UBE2Q1: variants seen among roughly 807,000 people sequenced by gnomAD.
UBE2Q1 encodes the protein ubiquitin-conjugating enzyme E2 Q1.
A neutral mutation model predicts 60.1 loss-of-function variants in UBE2Q1; 6 were observed. That is an observed-to-expected ratio of 0.10 (90% confidence interval 0.05 to 0.20). UBE2Q1 has a LOEUF of 0.20. Ranked by LOEUF, UBE2Q1 falls within the 10% of genes least tolerant of loss-of-function variation. The probability of loss-of-function intolerance (pLI) is 1.00; values close to 1 mark genes in which losing one functional copy is unlikely to be tolerated. For synonymous variants in UBE2Q1, 226 were observed against 208.3 expected, an observed-to-expected ratio of 1.09 and a Z score of -0.73; for missense variants, 262 against 525.8, an observed-to-expected ratio of 0.50 and a Z score of 4.91.
intron 12 of UBE2Q1, chr1:154,550,680 T>TA: frequency 1.0e-6 from 1 of 985,144 alleles, no homozygotes; most frequent in African/African-American, 1.7e-5. Flanking sequence ...ATGGGAGAGT[T>TA]AGATGAGCTT....
In UBE2Q1 at chr1:154,550,426, G is replaced by A. The variant is rs1695774569; in HGVS notation, c.*12C>T. 1 of 1,614,042 alleles carries A rather than the reference G, an allele frequency of 6.2e-7. No individual in the cohort carries two copies. The highest frequency in any genetic ancestry group is 1.7e-5 in the Admixed American group (1 of 60,010). On this transcript the variant is annotated 3_prime_UTR_variant, in exon 13 of 13. Transcript: ENST00000292211. ...TGGTGCCTGGGGAGGGAGGAAGGGT[G>A]ATACTCCAGGGTTAGCCGTCTTCTT...
chr1:154,555,181 G>A (rs972241030), intron 3 of UBE2Q1, among the ~76,000 whole-genome samples: 1 of 152,072 alleles, frequency 6.6e-6, no homozygotes, highest in Non-Finnish European at 1.5e-5. Flanking sequence ...AAATTCCCCC[G>A]CTCCCTTTCA....
At chr1:154,553,441 A>C (rs936358429) in intron 4 of UBE2Q1, among the ~76,000 whole-genome samples, 1 of 152,228 alleles carries the variant, frequency 6.6e-6, no homozygotes, top group Non-Finnish European at 1.5e-5. Flanking sequence ...GCAGGGACTT[A>C]GCCCTCTTGT....
rs1695797425 is a variant in UBE2Q1 at position 154,552,008 on chromosome 1, G to T, written c.967-29C>A. On this transcript the variant is annotated intron_variant, in intron 8 of 12. Coordinates refer to ENST00000292211, the MANE Select transcript of UBE2Q1 (RefSeq NM_017582.7). The stretch of plus-strand genomic sequence containing the variant: ...AGAGAGAGAGAGACGACAATCAGGG[G>T]AGGGAGGCCAGCATCCTCCACAGGA... The T allele has an allele frequency of 3.1e-6, 5 of 1,614,094 alleles. No homozygotes were observed. In the Admixed American group the frequency reaches 5.0e-5, roughly 16 times the overall value.
intron 4 of UBE2Q1, 121 bp from the exon 5 acceptor site, chr1:154,553,293 A>C (rs1185191949): frequency 6.8e-6 from 9 of 1,317,860 alleles, no homozygotes; most frequent in Non-Finnish European, 9.2e-6. Flanking sequence ...GAAGCAGTCC[A>C]TCTAGCAGTC....
chr1:154,551,250 T>C, intron 11 of UBE2Q1, 147 bp downstream of exon 11: 1 of 904,950 alleles, frequency 1.1e-6, no homozygotes, highest in East Asian at 2.4e-5. Context: ...GTTGTTCCAT[T>C]GTGGGCACCC....
At chr1:154,556,400 C>A (rs920552115) in intron 1 of UBE2Q1, among the ~76,000 whole-genome samples, 1 of 152,162 alleles carries the variant, frequency 6.6e-6, no homozygotes, top group Non-Finnish European at 1.5e-5. Flanking sequence ...CACAATGACA[C>A]TGAAGTGAAA....
intron 1 of UBE2Q1, among the ~76,000 whole-genome samples, 155 bp downstream of exon 1, chr1:154,558,072 T>G (rs1695922783): frequency 6.6e-6 from 1 of 151,842 alleles, no homozygotes; most frequent in African/African-American, 2.4e-5. Flanking sequence ...CTGCATAACC[T>G]CAAGCAGCAG....
chr1:154,552,193 A>C lies in UBE2Q1; in HGVS notation c.876-10T>G. ...GCTGTCCTGGTCAACTCTAAGAAGC[A>C]ACAAGCCTGGGCTCAGATGCCTGGT... is the stretch of plus-strand genomic sequence containing the variant. On this transcript the variant is annotated splice_polypyrimidine_tract_variant and intron_variant, in intron 7 of 12. Transcript: ENST00000292211. 6.2e-7 allele frequency: 1 copy of C among 1,614,194 alleles called. No individual in the cohort carries two copies. The highest frequency in any genetic ancestry group is 8.5e-7 in the Non-Finnish European group (1 of 1,180,024).
chr1:154,555,509 G>T lies in UBE2Q1; in HGVS notation c.456C>A (p.Ile152=). The part of the protein sequence containing the change: ...NTLLLQHLKR[I]ISDLCKLYNL... ...TATAGAGTTTACACAGGTCGGAGATGATCCTCTTCAGATGCTGCAATAGCT... is the reference window on the plus strand; with the variant it reads ...TATAGAGTTTACACAGGTCGGAGATTATCCTCTTCAGATGCTGCAATAGCT... Residue 152 remains isoleucine (I), a synonymous_variant, in exon 3 of 13, where the codon ATC becomes ATA. Coordinates refer to ENST00000292211, the MANE Select transcript of UBE2Q1 (RefSeq NM_017582.7). The T allele has an allele frequency of 6.2e-7, 1 of 1,614,168 alleles. No individual in the cohort carries two copies.
chr1:154,558,300 GC>G lies in UBE2Q1; in HGVS notation c.253del (p.Ala85ProfsTer54). 2 of 1,581,594 alleles carry G rather than the reference GC, an allele frequency of 1.3e-6. No homozygotes were observed. The highest frequency in any genetic ancestry group is 1.1e-5 in the South Asian group (1 of 87,444). On this transcript the variant is annotated frameshift_variant, in exon 1 of 13. Transcript: ENST00000292211. LOFTEE classifies it high-confidence loss of function. Reference sequence around the variant, plus strand: ...TGGGGGGAGATGCGGTCCGGGCGCGGCCCCCGCCCCGGCCCCTCCGGCCCCA... The same window carrying G: ...TGGGGGGAGATGCGGTCCGGGCGCGGCCCCGCCCCGGCCCCTCCGGCCCCA... ...LAGAGGAGAG[A>X]APGPHLPPRG...
chr1:154,557,077 A>G (rs930120609), intron 1 of UBE2Q1, among the ~76,000 whole-genome samples: 1 of 152,238 alleles, frequency 6.6e-6, no homozygotes, highest in African/African-American at 2.4e-5. Context: ...GAGAAATGGG[A>G]CATATGAGTT....
intron 12 of UBE2Q1, 47 bp from the exon 13 acceptor site, chr1:154,550,516 CTCCCTGTCCTGCCCCAA>C: frequency 6.2e-7 from 1 of 1,612,488 alleles, no homozygotes; most frequent in Non-Finnish European, 8.5e-7. Context: ...CAGGCCCACC[CTCCCTGTCCTGCCCCAA>C]TCCCTGAAGA....
At chr1:154,557,081 AT>A (rs1158510870) in intron 1 of UBE2Q1, among the ~76,000 whole-genome samples, 4 of 152,368 alleles carry the variant, frequency 2.6e-5, no homozygotes, top group Non-Finnish European at 5.9e-5. Context: ...AATGGGACAT[AT>A]GAGTTTTGGT....
chr1:154,553,807 GGAA>G (rs1169347928), intron 4 of UBE2Q1: 1 of 152,478 alleles, frequency 6.6e-6, no homozygotes, highest in Admixed American at 6.5e-5. Flanking sequence ...CTGAGCATAG[GGAA>G]GGAGGAGAAC....
intron 11 of UBE2Q1, 51 bp downstream of exon 11, chr1:154,551,346 A>G (rs1189914457): frequency 1.9e-6 from 3 of 1,587,318 alleles, no homozygotes; most frequent in African/African-American, 1.3e-5. Context: ...AGTGGCCCCA[A>G]GTGTACTTGG....
intron 12 of UBE2Q1, 147 bp downstream of exon 12, chr1:154,550,791 T>C: frequency 6.5e-7 from 1 of 1,538,316 alleles, no homozygotes; most frequent in Non-Finnish European, 8.7e-7. Flanking sequence ...CCACCGCCAG[T>C]CCCTCCTGGG....
intron 2 of UBE2Q1, 24 bp downstream of exon 2, chr1:154,555,836 A>AC (rs1695875170): frequency 1.2e-6 from 2 of 1,604,626 alleles, no homozygotes; most frequent in Non-Finnish European, 1.7e-6. Flanking sequence ...AACAAAATGT[A>AC]CCCCTACCCT....
chr1:154,555,356 G>A, intron 3 of UBE2Q1, 72 bp downstream of exon 3: 1 of 1,290,916 alleles, frequency 7.7e-7, no homozygotes, highest in Admixed American at 1.7e-5. Context: ...CTACTGATTT[G>A]TCTCAATTAT....
Sources: gnomAD v4.1 joint callset for allele counts (sites outside exome capture counted in the v4.1 genomes callset) on GRCh38, gnomAD v4.1.1 for gene constraint, MANE v1.5 for transcripts, NCBI Gene and HGNC (gene_info 2026-07-23, HGNC 2026-07-21) for gene names.